The following ITPR2 variants were observed in gnomAD, a reference collection of about 807,000 sequenced individuals.
ITPR2 encodes inositol 1,4,5-trisphosphate receptor type 2, also known as inositol 1,4,5-trisphosphate-gated calcium channel ITPR2.
In ITPR2, 207 loss-of-function variants were observed where a neutral mutation model predicts 317.1. The observed-to-expected ratio is 0.65, with a 90% CI of 0.58 to 0.73. ITPR2 has a LOEUF of 0.73. Among genes scored for constraint, ITPR2 ranks in the 30% least tolerant of loss-of-function variants. The pLI, the probability that ITPR2 is intolerant of heterozygous loss-of-function variation, is 0.00. For synonymous variants in ITPR2, 1,156 were observed against 1,149.1 expected, an observed-to-expected ratio of 1.01 and a Z score of -0.12; for missense variants, 2,613 against 3,284.0, an observed-to-expected ratio of 0.80 and a Z score of 4.99.
At chr12:26,576,438 C>T (rs957027220) in intron 34 of ITPR2, among the ~76,000 whole-genome samples, 2 of 152,080 alleles carry the variant, frequency 1.3e-5, no homozygotes, top group African/African-American at 2.4e-5. Context: ...CATATTGTGA[C>T]CACTTCCTCT....
At chr12:26,485,062 C>T (rs902705281) in intron 41 of ITPR2, among the ~76,000 whole-genome samples, 2 of 146,558 alleles carry the variant, frequency 1.4e-5, no homozygotes, top group Non-Finnish European at 2.9e-5. Flanking sequence ...CTGCACAGTT[C>T]GATATGCTTA....
At chr12:26,435,504 TTG>T (rs2136718382) in intron 48 of ITPR2, among the ~76,000 whole-genome samples, 1 of 152,282 alleles carries the variant, frequency 6.6e-6, no homozygotes, top group South Asian at 2.1e-4. Context: ...ATTTACCAGA[TTG>T]TAGCCCAAGC....
intron 21 of ITPR2, among the ~76,000 whole-genome samples, chr12:26,642,201 CAT>C (rs1027698639): frequency 2.6e-5 from 4 of 152,168 alleles, no homozygotes; most frequent in African/African-American, 7.2e-5. Flanking sequence ...AATTTTATTA[CAT>C]GTTTAAATGT....
At chr12:26,671,087 A>G in intron 13 of ITPR2, among the ~76,000 whole-genome samples, 1 of 152,172 alleles carries the variant, frequency 6.6e-6, no homozygotes, top group Non-Finnish European at 1.5e-5. Flanking sequence ...TGTACCTGAA[A>G]GTGACGGGGA....
At chr12:26,667,416 A>G (rs191402893) in intron 13 of ITPR2, among the ~76,000 whole-genome samples, 96 of 152,338 alleles carry the variant, frequency 6.3e-4, no homozygotes, top group Admixed American at 2.8e-3. Flanking sequence ...TTTTCTTGGT[A>G]TGCCTATTTT....
rs1938597424 is a variant in ITPR2, at chr12:26,355,196, G to C, written c.7858-14868C>G. ...GATTTCCTAACATCACTACTCATTG[G>C]ATGAACTATAAAGAAAATTCTTAAC... is the stretch of plus-strand genomic sequence containing the variant. On this transcript the variant is annotated intron_variant, in intron 55 of 56. Coordinates refer to ENST00000381340, the MANE Select transcript of ITPR2 (RefSeq NM_002223.4). Among the ~76,000 whole-genome samples the C allele has an allele frequency of 7.9e-5, 12 of 152,178 alleles. No homozygotes were observed. The South Asian group carries it at 2.5e-3, about 32-fold the overall frequency.
intron 10 of ITPR2, among the ~76,000 whole-genome samples, chr12:26,691,371 C>G (rs553715951): frequency 6.6e-6 from 1 of 152,082 alleles, no homozygotes; most frequent in African/African-American, 2.4e-5. Context: ...ATCACAGAAG[C>G]GCAACGCCCT....
At chr12:26,573,645 C>CA (rs1945213931) in intron 34 of ITPR2, among the ~76,000 whole-genome samples, 1 of 152,128 alleles carries the variant, frequency 6.6e-6, no homozygotes, top group Non-Finnish European at 1.5e-5. Flanking sequence ...ATCTGACTGA[C>CA]AGAGGAAACC....
At chr12:26,511,173 G>A (rs1471212567) in intron 37 of ITPR2, among the ~76,000 whole-genome samples, 1 of 152,134 alleles carries the variant, frequency 6.6e-6, no homozygotes, top group Non-Finnish European at 1.5e-5. Context: ...AAAAGTAAAA[G>A]AGTGCTCCAC....
chr12:26,548,333 C>T (rs543721947), intron 37 of ITPR2, among the ~76,000 whole-genome samples: 2 of 152,136 alleles, frequency 1.3e-5, no homozygotes, highest in South Asian at 2.1e-4. Flanking sequence ...CACAGATTTC[C>T]GGAGGCTAAT....
At position 26,632,017 on chromosome 12, in the gene ITPR2, A is replaced by G; in HGVS notation, c.2783T>C (p.Met928Thr). The change falls in exon 22 of 57, where the codon ATG becomes ACG. Residue 928 changes from methionine to threonine, a missense_variant. By Grantham distance (81) the Met-to-Thr change is moderately conservative (BLOSUM62 -1). Coordinates refer to ENST00000381340, the MANE Select transcript of ITPR2 (RefSeq NM_002223.4). ...GCCTCTACTGAGTACCATCTGGGTC[A>G]TCATCTCTCCCACCCCATGAATGGT... ...MRTIHGVGEM[M>T]TQMVLSRGSI... 6.2e-7 allele frequency: 1 copy of G among 1,601,352 alleles called. No homozygotes were observed. Among genetic ancestry groups the G allele is most frequent in the South Asian group, 1.1e-5 (1 of 88,492 alleles).
chr12:26,818,944 T>C (rs1950899617), intron 1 of ITPR2, among the ~76,000 whole-genome samples: 1 of 152,192 alleles, frequency 6.6e-6, no homozygotes, highest in African/African-American at 2.4e-5. Flanking sequence ...TTTAAGTCAC[T>C]ATCTTTATTG....
chr12:26,789,524 A>G (rs1950309241), intron 2 of ITPR2, among the ~76,000 whole-genome samples: 1 of 152,220 alleles, frequency 6.6e-6, no homozygotes, highest in Non-Finnish European at 1.5e-5. Context: ...ATAATTATGT[A>G]CCAATTATGA....
At chr12:26,531,654 TACACACAC>T (rs144906868) in intron 37 of ITPR2, among the ~76,000 whole-genome samples, 6,880 of 138,766 alleles carry the variant, frequency 0.05, 193 homozygotes, top group South Asian at 0.13. Context: ...TTACTGTATT[TACACACAC>T]ACACACACAC....
intron 20 of ITPR2, among the ~76,000 whole-genome samples, chr12:26,655,485 G>T (rs1947349330): frequency 6.6e-6 from 1 of 151,824 alleles, no homozygotes; most frequent in Non-Finnish European, 1.5e-5. Context: ...GTGGTGGCAG[G>T]CGCCTGTAGT....
chr12:26,562,778 A>AG (rs1237941201), intron 34 of ITPR2, among the ~76,000 whole-genome samples: 1 of 136,630 alleles, frequency 7.3e-6, no homozygotes, highest in Non-Finnish European at 1.6e-5. Context: ...GGGTGGGGGA[A>AG]GGGGGGGAGG....
At chr12:26,637,426 T>G (rs1357892009) in intron 21 of ITPR2, among the ~76,000 whole-genome samples, 1 of 152,142 alleles carries the variant, frequency 6.6e-6, no homozygotes, top group East Asian at 1.9e-4. Context: ...AAAGACAGTT[T>G]CACAAAGGAT....
intron 2 of ITPR2, among the ~76,000 whole-genome samples, chr12:26,741,984 T>C (rs1949237878): frequency 1.3e-5 from 2 of 152,166 alleles, no homozygotes; most frequent in Admixed American, 1.3e-4. Flanking sequence ...CAGTCCTAAA[T>C]GTGGGCCCAG....
At chr12:26,550,719 T>C (rs1944504384) in intron 36 of ITPR2, among the ~76,000 whole-genome samples, 1 of 151,914 alleles carries the variant, frequency 6.6e-6, no homozygotes, top group Admixed American at 6.6e-5. Context: ...TATTATGTTA[T>C]ACTATATTAT....
Sources: allele counts gnomAD v4.1 joint callset (sites outside exome capture counted in the v4.1 genomes callset), GRCh38; gene constraint gnomAD v4.1.1; transcripts MANE v1.5; gene names NCBI Gene and HGNC (gene_info 2026-07-23, HGNC 2026-07-21).